Variants in FCRL1 observed in about 807,000 individuals in gnomAD.
FCRL1 encodes the protein Fc receptor-like protein 1.
FCRL1 carries 34 observed loss-of-function variants against 49.2 expected under a neutral mutation model. That is an observed-to-expected ratio of 0.69 (90% CI 0.53 to 0.92). The LOEUF is 0.92. Ranked by LOEUF, FCRL1 falls within the 40% of genes least tolerant of loss-of-function variation. The probability of loss-of-function intolerance (pLI) is 0.00; values close to 1 mark genes in which losing one functional copy is unlikely to be tolerated. For synonymous variants in FCRL1, 218 were observed against 201.6 expected (o/e 1.08, Z -0.69); for missense variants, 524 against 524.1 (o/e 1.00, Z 0.00).
chr1:157,803,321 C>T (rs1007206508), intron 3 of FCRL1, among the ~76,000 whole-genome samples: 5 of 152,200 alleles, frequency 3.3e-5, no homozygotes, highest in African/African-American at 1.2e-4. Context: ...GAAGTGTCAA[C>T]ACTGACATGG....
intron 1 of FCRL1, among the ~76,000 whole-genome samples, chr1:157,814,012 T>C (rs1165173151): frequency 6.6e-6 from 1 of 152,060 alleles, no homozygotes; most frequent in Non-Finnish European, 1.5e-5. Flanking sequence ...GAAGGAGAGA[T>C]AAACTCTCAC....
chr1:157,818,645 G>A (rs1655374803), intron 1 of FCRL1, among the ~76,000 whole-genome samples: 1 of 151,584 alleles, frequency 6.6e-6, no homozygotes, highest in African/African-American at 2.4e-5. Context: ...AGAGGGGTGA[G>A]GATAGGTGAG....
intron 2 of FCRL1, among the ~76,000 whole-genome samples, chr1:157,805,276 A>G (rs1322959209): frequency 6.6e-6 from 1 of 152,130 alleles, no homozygotes; most frequent in Non-Finnish European, 1.5e-5. Flanking sequence ...CTGTGTGGGC[A>G]TTTGTTTATC....
chr1:157,812,845 C>G (rs189603926), intron 1 of FCRL1, among the ~76,000 whole-genome samples: 151 of 152,214 alleles, frequency 9.9e-4, no homozygotes, highest in Non-Finnish European at 1.7e-3. Context: ...CAAAAGACAC[C>G]CTCTCAGGTA....
intron 2 of FCRL1, among the ~76,000 whole-genome samples, chr1:157,805,631 C>T (rs373801792): frequency 2.6e-5 from 4 of 152,268 alleles, no homozygotes; most frequent in East Asian, 3.9e-4. Context: ...TGTGGTGGCT[C>T]ACGGCTGTGA....
chr1:157,798,797 T>C (rs1056397686), intron 7 of FCRL1, among the ~76,000 whole-genome samples: 1 of 152,196 alleles, frequency 6.6e-6, no homozygotes, highest in African/African-American at 2.4e-5. Context: ...ACTTCACCAA[T>C]AACTGTTCAG....
At chr1:157,796,334 C>A (rs552484789) in intron 10 of FCRL1, among the ~76,000 whole-genome samples, 164 bp from the exon 11 acceptor site, 24 of 152,320 alleles carry the variant, frequency 1.6e-4, no homozygotes, top group Non-Finnish European at 2.8e-4. Flanking sequence ...TTTTAGAGTG[C>A]CTGTATCCCA....
At chr1:157,797,265 C>G in intron 9 of FCRL1, 133 bp from the exon 10 acceptor site, 1 of 994,636 alleles carries the variant, frequency 1.0e-6, no homozygotes, top group South Asian at 1.4e-5. Context: ...TTCTGTCTTG[C>G]TTTTCTGTTT....
At chr1:157,819,237 G>T (rs1190746607) in intron 1 of FCRL1, among the ~76,000 whole-genome samples, 1 of 152,110 alleles carries the variant, frequency 6.6e-6, no homozygotes, top group East Asian at 1.9e-4. Flanking sequence ...ATTGCTGTTG[G>T]CTACCTGAGA....
At chr1:157,806,535 A>G (rs183527813) in intron 2 of FCRL1, 1 of 152,476 alleles carries the variant, frequency 6.6e-6, no homozygotes, top group Admixed American at 6.5e-5. Flanking sequence ...TGCATAAACC[A>G]GAGTCCGAAA....
At chr1:157,804,287 C>T (rs1653051247) in intron 2 of FCRL1, 176 bp from the exon 3 acceptor site, 3 of 630,234 alleles carry the variant, frequency 4.8e-6, no homozygotes, top group Non-Finnish European at 8.1e-6. Flanking sequence ...TTGCCATGAA[C>T]TCACCCTGCT....
At position 157,800,063 on chromosome 1, in the gene FCRL1, T is replaced by C. The variant is rs761473280; in HGVS notation, c.1026A>G (p.Pro342=). 3 of 1,613,282 alleles carry C rather than the reference T, an allele frequency of 1.9e-6. No homozygotes were observed. Among genetic ancestry groups the C allele is most frequent in the Non-Finnish European group, 2.5e-6 (3 of 1,179,512 alleles). ...RKIGRRSARD[P]LRSLPSPLPQ... ...ATAGTGAAAACAGGCCTCACCTGAG[T>C]GGATCCCTGGCTGAACGTCTTCCTG... Residue 342 remains proline, a synonymous_variant, in exon 7 of 11, where the codon CCA becomes CCG. Coordinates refer to ENST00000368176, the MANE Select transcript of FCRL1 (RefSeq NM_052938.5).
At chr1:157,817,386 C>A (rs1355147369) in intron 1 of FCRL1, among the ~76,000 whole-genome samples, 1 of 152,010 alleles carries the variant, frequency 6.6e-6, no homozygotes, top group East Asian at 1.9e-4. Flanking sequence ...ATTTATAGCC[C>A]ACTGATTTTC....
At position 157,799,989 on chromosome 1, in the gene FCRL1, C is replaced by A. The variant is rs567756750; in HGVS notation, c.1031+69G>T. ...CGGAAAAAAAATGCTCAGGAGAGAA[C>A]AAATCTAAATCTATTTTTAAAATAG... On this transcript the variant is annotated intron_variant, in intron 7 of 10. Transcript: ENST00000368176. 13 of 1,472,682 alleles carry A rather than the reference C, an allele frequency of 8.8e-6. No homozygotes were observed. In the African/African-American group the frequency reaches 1.6e-4, roughly 18 times the overall value. The allele number at this position is 1,472,682 out of a possible 1,614,324, so 91.2% of individuals were successfully genotyped here.
chr1:157,817,709 A>T (rs193075899), intron 1 of FCRL1, among the ~76,000 whole-genome samples: 1 of 152,310 alleles, frequency 6.6e-6, no homozygotes, highest in Non-Finnish European at 1.5e-5. Context: ...TCAGCATAGT[A>T]AAAGAAACAA....
chr1:157,811,347 T>C (rs1267165165), intron 1 of FCRL1, among the ~76,000 whole-genome samples: 6 of 152,046 alleles, frequency 3.9e-5, no homozygotes, highest in African/African-American at 1.5e-4. Flanking sequence ...GATGGCTACA[T>C]AAAGAAGGGA....
chr1:157,797,871 C>T lies in FCRL1; in HGVS notation c.1183G>A (p.Ala395Thr). 1.9e-6 allele frequency: 3 copies of T among 1,614,142 alleles called. No individual in the cohort carries two copies. The highest frequency in any genetic ancestry group is 2.5e-6 in the Non-Finnish European group (3 of 1,179,994). ...YYNQPEQESV[A>T]AETLGTHMED... ...AATTTACTCCCCCATGTCTCACCTGCTACTGATTCCTGCTCCGGCTGGTTA... is the reference window on the plus strand; with the variant it reads ...AATTTACTCCCCCATGTCTCACCTGTTACTGATTCCTGCTCCGGCTGGTTA... Residue 395 changes from alanine to threonine, a missense_variant, in exon 9 of 11, where the codon GCA becomes ACA. By Grantham distance (58) the Ala-to-Thr change is moderately conservative (BLOSUM62 0). Coordinates refer to ENST00000368176, the MANE Select transcript of FCRL1 (RefSeq NM_052938.5).
At chr1:157,798,448 C>T (rs12080317) in intron 7 of FCRL1, among the ~76,000 whole-genome samples, 3,849 of 152,134 alleles carry the variant, frequency 0.025, 150 homozygotes, top group African/African-American at 0.086. Context: ...CATGCACCAG[C>T]GGGTAACTCC....
At chr1:157,805,528 T>A (rs1653294680) in intron 2 of FCRL1, among the ~76,000 whole-genome samples, 1 of 152,208 alleles carries the variant, frequency 6.6e-6, no homozygotes, top group African/African-American at 2.4e-5. Flanking sequence ...AGTCACTGTC[T>A]TTCCTTGGAA....
Sources: allele counts gnomAD v4.1 joint callset (sites outside exome capture counted in the v4.1 genomes callset), GRCh38; gene constraint gnomAD v4.1.1; transcripts MANE v1.5; gene names NCBI Gene and HGNC (gene_info 2026-07-23, HGNC 2026-07-21).